The following FUT5 variants were observed in gnomAD, a reference collection of about 807,000 sequenced individuals.
The protein encoded by FUT5 is fucosyltransferase 5, also known as 4-galactosyl-N-acetylglucosaminide 3-alpha-L-fucosyltransferase FUT5.
FUT5 carries 1 observed loss-of-function variant against 0.8 expected under a neutral mutation model. The ratio of observed to expected loss-of-function variants is 1.26; its 90% confidence interval spans 0.45 to 5.99. The LOEUF is 5.99. FUT5 is among the 30% of genes most tolerant of loss of function. FUT5 has a pLI of 0.15. For synonymous variants in FUT5, 212 were observed against 225.7 expected, an observed-to-expected ratio of 0.94 and a Z score of 0.54; for missense variants, 437 against 517.8, an observed-to-expected ratio of 0.84 and a Z score of 1.51.
Position 5,865,929 on chromosome 19 carries a change from C to T in FUT5, c.*672G>A, listed in dbSNP as rs1168795373. ...CTGCACCATCGCCCGGGGGCAGGGC[C>T]TCAAGGGCACCCGTTCTCAGGGCCC... On this transcript the variant is annotated 3_prime_UTR_variant, in exon 2 of 2. Transcript: ENST00000588525. The T allele has an allele frequency of 1.2e-5, 2 of 163,098 alleles. No individual in the cohort carries two copies. Among genetic ancestry groups the T allele is most frequent in the African/African-American group, 4.8e-5 (2 of 41,552 alleles). The allele number at this position is 163,098 out of a possible 1,614,324, so 10.1% of individuals were successfully genotyped here.
In FUT5 at chr19:5,866,400, G is replaced by A. The variant is rs140239273; in HGVS notation, c.*201C>T. 3.1e-5 allele frequency: 26 copies of A among 844,036 alleles called. No individual in the cohort carries two copies. The African/African-American group carries it at 3.4e-4, about 11-fold the overall frequency. The allele number at this position is 844,036 out of a possible 1,614,324, so 52.3% of individuals were successfully genotyped here. On this transcript the variant is annotated 3_prime_UTR_variant, in exon 2 of 2. Coordinates refer to ENST00000588525, the MANE Select transcript of FUT5 (RefSeq NM_002034.2). This position sits in a 1 kb window ranked among gnomAD's most constrained non-coding sequence, Gnocchi z 4.9. ...GGGGAGGCTCCTGGCAGTGAAGCCC[G>A]GCAAGTGAAATCCCAGGTAAGTCAC...
At position 5,867,428 on chromosome 19, in the gene FUT5, C is replaced by G. The variant is rs758420902; in HGVS notation, c.298G>C (p.Gly100Arg). Residue 100 changes from glycine to arginine, a missense_variant, in exon 2 of 2, where the codon GGC (glycine) becomes CGC (arginine). By Grantham distance (125) the Gly-to-Arg change is moderately radical (BLOSUM62 -2). Around this residue, in one of 2 missense-constraint regions of FUT5, gnomAD observed 261 missense variants for 242.6 expected, o/e 1.08. Transcript: ENST00000588525. This position sits in a 1 kb window ranked among gnomAD's most constrained non-coding sequence, Gnocchi z 5.0. ...GCAGTGATGTTGCAGTCGGCCGCGCCGGGCACCATCTCTGAGCAGCGGGGC... is the reference window on the plus strand; with the variant it reads ...GCAGTGATGTTGCAGTCGGCCGCGCGGGGCACCATCTCTGAGCAGCGGGGC... ...ALPRCSEMVP[G>R]AADCNITADS... 2 of 1,499,780 alleles carry G rather than the reference C, an allele frequency of 1.3e-6. No individual in the cohort carries two copies. The highest frequency in any genetic ancestry group is 2.8e-5 in the East Asian group (1 of 35,562). The allele number at this position is 1,499,780 out of a possible 1,614,324, so 92.9% of individuals were successfully genotyped here.
Position 5,866,775 on chromosome 19 carries a change from C to T in FUT5, c.951G>A (p.Arg317=), listed in dbSNP as rs1184875572. The T allele has an allele frequency of 4.4e-6, 7 of 1,600,262 alleles. No homozygotes were observed. The South Asian group carries it at 6.7e-5, about 15-fold the overall frequency. The part of the protein sequence containing the change: ...DDFQSPKDLA[R]YLQELDKDHA... ...GGTCCTTGTCCAGCTCCTGCAGGTA[C>T]CGGGCCAGGTCCTTGGGGCTCTGGA... The change falls in exon 2 of 2, where the codon CGG becomes CGA. Residue 317 remains arginine, a synonymous_variant. Transcript: ENST00000588525. The surrounding 1 kb of genome is among the most constrained non-coding windows in gnomAD (Gnocchi z 4.9).
chr19:5,867,461 C>T lies in FUT5; in HGVS notation c.265G>A (p.Val89Met), dbSNP rs141356302. ...ATCTCTGAGCAGCGGGGCAGAGCCA[C>T]GGGTGTGTTAAAAGGCCACGTCCAC... ...LLWTWPFNTP[V>M]ALPRCSEMVP... is the part of the protein sequence containing the mutation. Residue 89 changes from valine to methionine, a missense_variant, in exon 2 of 2, where the codon GTG becomes ATG. Coordinates refer to ENST00000588525, the MANE Select transcript of FUT5 (RefSeq NM_002034.2). The surrounding 1 kb of genome is among the most constrained non-coding windows in gnomAD (Gnocchi z 5.0). 1.2e-4 allele frequency: 160 copies of T among 1,354,606 alleles called. No individual in the cohort carries two copies. Among genetic ancestry groups the T allele is most frequent in the Middle Eastern group, 8.4e-4 (4 of 4,764 alleles). 83.9% of individuals were successfully genotyped at this position (1,354,606 alleles called of 1,614,324 possible). A position where few individuals can be genotyped will look rare whatever the true frequency, so the allele number is the denominator to read the frequency against.
chr19:5,866,388 G>A lies in FUT5; in HGVS notation c.*213C>T, dbSNP rs2057502836. On this transcript the variant is annotated 3_prime_UTR_variant, in exon 2 of 2. Coordinates refer to ENST00000588525, the MANE Select transcript of FUT5 (RefSeq NM_002034.2). This position sits in a 1 kb window ranked among gnomAD's most constrained non-coding sequence, Gnocchi z 4.9. ...AGGTCCCCAGCAGGGGAGGCTCCTG[G>A]CAGTGAAGCCCGGCAAGTGAAATCC... 1.3e-6 allele frequency: 1 copy of A among 764,124 alleles called. No homozygotes were observed. The highest frequency in any genetic ancestry group is 2.1e-6 in the Non-Finnish European group (1 of 474,156). 47.3% of individuals were successfully genotyped at this position (764,124 alleles called of 1,614,324 possible). A position where few individuals can be genotyped will look rare whatever the true frequency, so the allele number is the denominator to read the frequency against.
Position 5,866,522 on chromosome 19 carries a change from TCCC to T in FUT5, c.*76_*78del, listed in dbSNP as rs773820613. The T allele has an allele frequency of 6.2e-7, 1 of 1,607,492 alleles. No individual in the cohort carries two copies. Among genetic ancestry groups the T allele is most frequent in the East Asian group, 2.2e-5 (1 of 44,768 alleles). Reference sequence around the variant, plus strand: ...GCAGCCGAGGCCCCAGGTAGGTAAATCCCCCGACTAGTGAGACCCTAGGTAGGT... The same window carrying T: ...GCAGCCGAGGCCCCAGGTAGGTAAATCCGACTAGTGAGACCCTAGGTAGGT... On this transcript the variant is annotated 3_prime_UTR_variant, in exon 2 of 2. Coordinates refer to ENST00000588525, the MANE Select transcript of FUT5 (RefSeq NM_002034.2). This position sits in a 1 kb window ranked among gnomAD's most constrained non-coding sequence, Gnocchi z 4.9.
Position 5,866,572 on chromosome 19 carries a change from C to G in FUT5, c.*29G>C. On this transcript the variant is annotated 3_prime_UTR_variant, in exon 2 of 2. Coordinates refer to ENST00000588525, the MANE Select transcript of FUT5 (RefSeq NM_002034.2). The surrounding 1 kb of genome is among the most constrained non-coding windows in gnomAD (Gnocchi z 4.9). ...AGGTGAGGCCCTGGGAAAGTGAGGT[C>G]CCGGCAGCCCAGGCCCCATGCCGGC... 1.9e-6 allele frequency: 3 copies of G among 1,612,644 alleles called. No individual in the cohort carries two copies. In the Admixed American group the frequency reaches 5.0e-5, roughly 27 times the overall value.
At position 5,867,001 on chromosome 19, in the gene FUT5, A is replaced by C; in HGVS notation, c.725T>G (p.Leu242Arg). 6.2e-7 allele frequency: 1 copy of C among 1,613,572 alleles called. No individual in the cohort carries two copies. The change falls in exon 2 of 2, where the codon CTG (leucine) becomes CGG (arginine). Residue 242 changes from leucine (L) to arginine (R), a missense_variant. Physicochemically the swap from Leu to Arg is moderately radical, Grantham distance 102. Around this residue, in one of 2 missense-constraint regions of FUT5, gnomAD observed 176 missense variants for 275.2 expected, o/e 0.64. Coordinates refer to ENST00000588525, the MANE Select transcript of FUT5 (RefSeq NM_002034.2). This position sits in a 1 kb window ranked among gnomAD's most constrained non-coding sequence, Gnocchi z 5.0. ...VDVYGRSHKP[L>R]PKGTMMETLS... ...CGTCTCCATCATGGTCCCCTTGGGCAGGGGCTTGTGGGAGCGTCCGTACAC... is the reference window on the plus strand; with the variant it reads ...CGTCTCCATCATGGTCCCCTTGGGCCGGGGCTTGTGGGAGCGTCCGTACAC...
chr19:5,868,308 G>A lies in FUT5; in HGVS notation c.-12-571C>T, dbSNP rs375045692. ...GCTTTCAGGGAAGACATGGAACCCC[G>A]CTTGTTCTGGAGACACCCAGCACGG... On this transcript the variant is annotated intron_variant, in intron 1 of 1. Coordinates refer to ENST00000588525, the MANE Select transcript of FUT5 (RefSeq NM_002034.2). 5.3e-5 allele frequency among the ~76,000 whole-genome samples: 8 copies of A among 152,014 alleles called. 1 individual carries two copies. The highest frequency in any genetic ancestry group is 1.9e-4 in the East Asian group (1 of 5,164).
At position 5,866,679 on chromosome 19, in the gene FUT5, A is replaced by G. The variant is rs939855361; in HGVS notation, c.1047T>C (p.Ala349=). The part of the protein sequence containing the change: ...LRPRSFSWAL[A]FCKACWKLQQ... ...GCAGCTTCCAGCAGGCCTTGCAGAAAGCCAGTGCCCAGCTGAAGGAGCGAG... is the reference window on the plus strand; with the variant it reads ...GCAGCTTCCAGCAGGCCTTGCAGAAGGCCAGTGCCCAGCTGAAGGAGCGAG... The change falls in exon 2 of 2, where the codon GCT becomes GCC. Residue 349 remains alanine, a synonymous_variant. Coordinates refer to ENST00000588525, the MANE Select transcript of FUT5 (RefSeq NM_002034.2). The surrounding 1 kb of genome is among the most constrained non-coding windows in gnomAD (Gnocchi z 4.9). 6.2e-7 allele frequency: 1 copy of G among 1,612,650 alleles called. No homozygotes were observed.
At position 5,866,495 on chromosome 19, in the gene FUT5, A is replaced by G. The variant is rs2057503319; in HGVS notation, c.*106T>C. On this transcript the variant is annotated 3_prime_UTR_variant, in exon 2 of 2. Coordinates refer to ENST00000588525, the MANE Select transcript of FUT5 (RefSeq NM_002034.2). This position sits in a 1 kb window ranked among gnomAD's most constrained non-coding sequence, Gnocchi z 4.9. ...TGAGACCCCAGGCAGCCGAGGCCCC[A>G]GGCAGCCGAGGCCCCAGGTAGGTAA... 6.3e-7 allele frequency: 1 copy of G among 1,577,544 alleles called. No homozygotes were observed. The highest frequency in any genetic ancestry group is 1.3e-5 in the African/African-American group (1 of 74,338).
chr19:5,868,424 G>C (rs910346606), intron 1 of FUT5, among the ~76,000 whole-genome samples: 1 of 152,144 alleles, frequency 6.6e-6, no homozygotes, highest in Admixed American at 6.5e-5. Flanking sequence ...GAGGGCGACC[G>C]GAGGAGGAGG....
Position 5,867,399 on chromosome 19 carries a change from G to C in FUT5, c.327C>G (p.Asp109Glu). 1 of 1,613,916 alleles carries C rather than the reference G, an allele frequency of 6.2e-7. No individual in the cohort carries two copies. The highest frequency in any genetic ancestry group is 8.5e-7 in the Non-Finnish European group (1 of 1,180,008). ...PGAADCNITA[D>E]SSVYPQADAV... ...CGTCTGCCTGTGGGTACACACTGGA[G>C]TCGGCAGTGATGTTGCAGTCGGCCG... The change falls in exon 2 of 2, where the codon GAC (aspartate) becomes GAG (glutamate). Residue 109 changes from aspartate to glutamate, a missense_variant. Asp to Glu is a conservative substitution (Grantham distance 45, BLOSUM62 2). Around this residue, in one of 2 missense-constraint regions of FUT5, gnomAD observed 261 missense variants for 242.6 expected, o/e 1.08. Transcript: ENST00000588525. The surrounding 1 kb of genome is among the most constrained non-coding windows in gnomAD (Gnocchi z 5.0).
chr19:5,870,113 G>A (rs2057518303), intron 1 of FUT5, among the ~76,000 whole-genome samples: 1 of 149,848 alleles, frequency 6.7e-6, no homozygotes, highest in Admixed American at 6.7e-5. Flanking sequence ...TAAATTTCCT[G>A]GTATTCTTTT....
Position 5,867,229 on chromosome 19 carries a change from A to G in FUT5, c.497T>C (p.Phe166Ser). The change falls in exon 2 of 2, where the codon TTC (phenylalanine) becomes TCC (serine). Residue 166 changes from phenylalanine to serine, a missense_variant. Phe to Ser is a radical substitution (Grantham distance 155). Coordinates refer to ENST00000588525, the MANE Select transcript of FUT5 (RefSeq NM_002034.2). The surrounding 1 kb of genome is among the most constrained non-coding windows in gnomAD (Gnocchi z 5.0). ...CRHLEALDGY[F>S]NLTMSYRSDS... is the part of the protein sequence containing the mutation. ...GCTGCGGTAGGACATGGTGAGATTG[A>G]AGTATCCGTCCAGGGCTTCCAGGTG... 1.2e-6 allele frequency: 2 copies of G among 1,613,110 alleles called. No individual in the cohort carries two copies. Among genetic ancestry groups the G allele is most frequent in the Admixed American group, 3.3e-5 (2 of 60,024 alleles).
chr19:5,869,676 G>C (rs2057516912), intron 1 of FUT5, among the ~76,000 whole-genome samples: 1 of 152,044 alleles, frequency 6.6e-6, no homozygotes, highest in Admixed American at 6.6e-5. Context: ...CCATACGATT[G>C]TTATTTCTTA....
In FUT5 at chr19:5,870,477, A is replaced by T. The variant is rs1294314254; in HGVS notation, c.-25T>A. On this transcript the variant is annotated 5_prime_UTR_variant, in exon 1 of 2. The change abolishes an upstream ATG in the 5' untranslated region. Transcript: ENST00000588525. ...AGAACAAATATACCTAGTGTGATCCATCCACACAATGGAATATCACTCAGC... is the reference window on the plus strand; with the variant it reads ...AGAACAAATATACCTAGTGTGATCCTTCCACACAATGGAATATCACTCAGC... The T allele has an allele frequency of 6.6e-6, 1 of 152,236 alleles. No individual in the cohort carries two copies. Among genetic ancestry groups the T allele is most frequent in the African/African-American group, 2.4e-5 (1 of 41,460 alleles). The allele number at this position is 152,236 out of a possible 1,614,324, so 9.4% of individuals were successfully genotyped here.
rs1179775164 is a variant in FUT5, at chr19:5,867,151, G to A, written c.575C>T (p.Pro192Leu). 6.2e-7 allele frequency: 1 copy of A among 1,612,592 alleles called. No homozygotes were observed. The highest frequency in any genetic ancestry group is 1.7e-5 in the Admixed American group (1 of 59,992). Residue 192 changes from proline (P) to leucine (L), a missense_variant, in exon 2 of 2, where the codon CCT becomes CTT. Pro to Leu is a moderately conservative substitution (Grantham distance 98). This residue lies in a region of FUT5 where 176 missense variants were observed against 275.2 expected (regional missense o/e 0.64). Coordinates refer to ENST00000588525, the MANE Select transcript of FUT5 (RefSeq NM_002034.2). The surrounding 1 kb of genome is among the most constrained non-coding windows in gnomAD (Gnocchi z 5.0). ...YGWLEPWSGQPAHPPLNLSAK... is the reference protein window; with the variant it reads ...YGWLEPWSGQLAHPPLNLSAK... Reference sequence around the variant, plus strand: ...CGAGAGGTTGAGCGGTGGGTGGGCAGGCTGGCCGGACCACGGCTCCAGCCA... The same window carrying A: ...CGAGAGGTTGAGCGGTGGGTGGGCAAGCTGGCCGGACCACGGCTCCAGCCA...
chr19:5,870,285 A>G (rs191387027), intron 1 of FUT5, among the ~76,000 whole-genome samples, 180 bp downstream of exon 1: 86 of 152,206 alleles, frequency 5.7e-4, no homozygotes, highest in African/African-American at 1.8e-3. Context: ...GAAAAGCCTG[A>G]GAGATACTTA....
Sources: allele counts gnomAD v4.1 joint callset (sites outside exome capture counted in the v4.1 genomes callset), GRCh38; gene constraint gnomAD v4.1.1; regional missense constraint gnomAD v4.1.1; non-coding constraint Gnocchi (gnomAD v3.1); transcripts MANE v1.5; gene names NCBI Gene and HGNC (gene_info 2026-07-23, HGNC 2026-07-21).